FLVCR2: variants seen among roughly 807,000 people sequenced by gnomAD.
FLVCR2 encodes the protein FLVCR choline and putative heme transporter 2.
A neutral mutation model predicts 48.9 loss-of-function variants in FLVCR2; 38 were observed. The observed-to-expected ratio is 0.78, with a 90% CI of 0.60 to 1.02. The LOEUF (loss-of-function observed/expected upper bound fraction) is 1.02, where lower values mean the gene tolerates loss of function less well. Among genes scored for constraint, FLVCR2 ranks in the 50% least tolerant of loss-of-function variants. The pLI, the probability that FLVCR2 is intolerant of heterozygous loss-of-function variation, is 0.00. For synonymous variants in FLVCR2, 255 were observed against 257.0 expected, an observed-to-expected ratio of 0.99 and a Z score of 0.07; for missense variants, 664 against 663.3, an observed-to-expected ratio of 1.00 and a Z score of -0.01.
rs955552034 is a variant in FLVCR2, at chr14:75,646,556, G to A, written c.*84G>A. On this transcript the variant is annotated 3_prime_UTR_variant, in exon 10 of 10. Transcript: ENST00000238667. ...TCTCACCGCCAGCACAAAGGGCTTC[G>A]CTAGAGATGTTTTTGGAGGGAATCA... is the stretch of plus-strand genomic sequence containing the variant. 32 of 963,712 alleles carry A rather than the reference G, an allele frequency of 3.3e-5. No homozygotes were observed. Among genetic ancestry groups the A allele is most frequent in the African/African-American group, 1.4e-4 (9 of 62,174 alleles). The allele number at this position is 963,712 out of a possible 1,614,324, so 59.7% of individuals were successfully genotyped here.
Position 75,579,331 on chromosome 14 carries a change from C to G in FLVCR2, c.359C>G (p.Ala120Gly), listed in dbSNP as rs1212923964. The change falls in exon 1 of 10, where the codon GCC (alanine) becomes GGC (glycine). Residue 120 changes from alanine (A) to glycine (G), a missense_variant. Ala to Gly is a moderately conservative substitution (Grantham distance 60). Coordinates refer to ENST00000238667, the MANE Select transcript of FLVCR2 (RefSeq NM_017791.3). Reference protein sequence around the residue: ...NIFMHFYGVSAFAIDWLSMCY... With the variant: ...NIFMHFYGVSGFAIDWLSMCY... ...TTCATGCACTTCTACGGTGTCAGTG[C>G]CTTTGCCATTGACTGGCTGTCCATG... The G allele has an allele frequency of 1.7e-5, 27 of 1,614,218 alleles. No individual in the cohort carries two copies. Among genetic ancestry groups the G allele is most frequent in the Non-Finnish European group, 2.3e-5 (27 of 1,180,020 alleles).
At chr14:75,618,156 A>G (rs1023380889) in intron 1 of FLVCR2, among the ~76,000 whole-genome samples, 27 of 152,216 alleles carry the variant, frequency 1.8e-4, no homozygotes, top group African/African-American at 5.5e-4. Context: ...GACGTTTTCC[A>G]AAGATGGCTG....
intron 1 of FLVCR2, among the ~76,000 whole-genome samples, 198 bp downstream of exon 1, chr14:75,579,839 A>G (rs1888550878): frequency 6.6e-6 from 1 of 152,170 alleles, no homozygotes; most frequent in Non-Finnish European, 1.5e-5. Flanking sequence ...TCTTTCATCC[A>G]CAGTTGCTCT....
intron 1 of FLVCR2, among the ~76,000 whole-genome samples, chr14:75,600,537 C>T (rs997410010): frequency 6.6e-6 from 1 of 152,126 alleles, no homozygotes; most frequent in Non-Finnish European, 1.5e-5. Context: ...TATCAGAACC[C>T]CTTTCCAGTA....
chr14:75,601,553 A>G (rs1449027383), intron 1 of FLVCR2, among the ~76,000 whole-genome samples: 1 of 152,190 alleles, frequency 6.6e-6, no homozygotes, highest in Non-Finnish European at 1.5e-5. Flanking sequence ...TAAGGATGTG[A>G]AGACATTGGA....
chr14:75,600,887 AC>A (rs1395170562), intron 1 of FLVCR2, among the ~76,000 whole-genome samples: 13 of 151,290 alleles, frequency 8.6e-5, no homozygotes, highest in Non-Finnish European at 1.0e-4. Flanking sequence ...AAAAAAAAAA[AC>A]AAACAAACAA....
chr14:75,626,589 G>T (rs149524499), intron 3 of FLVCR2, among the ~76,000 whole-genome samples: 3 of 151,844 alleles, frequency 2.0e-5, no homozygotes, highest in Admixed American at 6.5e-5. Flanking sequence ...CCATTCATCC[G>T]CAAAATAAAG....
intron 1 of FLVCR2, among the ~76,000 whole-genome samples, chr14:75,619,610 GA>G (rs1889711037): frequency 6.6e-6 from 1 of 152,154 alleles, no homozygotes; most frequent in Admixed American, 6.5e-5. Context: ...AATATGTATT[GA>G]AAAAACAAAA....
chr14:75,593,448 C>T (rs1455939454), intron 1 of FLVCR2, among the ~76,000 whole-genome samples: 1 of 152,200 alleles, frequency 6.6e-6, no homozygotes, highest in Non-Finnish European at 1.5e-5. Context: ...GGCAAGTGGA[C>T]ACGTGCAAAG....
In FLVCR2 at chr14:75,579,575, C is replaced by G. The variant is rs1566779720; in HGVS notation, c.603C>G (p.Ile201Met). 1.9e-6 allele frequency: 3 copies of G among 1,614,084 alleles called. No homozygotes were observed. Among genetic ancestry groups the G allele is most frequent in the Non-Finnish European group, 8.5e-7 (1 of 1,180,042 alleles). ...QVFILGMPSRIASVWFGANEV... is the reference protein window; with the variant it reads ...QVFILGMPSRMASVWFGANEV... ...TCATCCTGGGCATGCCCTCCCGCAT[C>G]GCTTCCGTCTGGTTCGGGGCTAATG... The change falls in exon 1 of 10, where the codon ATC (isoleucine) becomes ATG (methionine). Residue 201 changes from isoleucine (I) to methionine (M), a missense_variant. Coordinates refer to ENST00000238667, the MANE Select transcript of FLVCR2 (RefSeq NM_017791.3).
intron 1 of FLVCR2, among the ~76,000 whole-genome samples, chr14:75,587,504 C>A (rs1888779770): frequency 1.3e-5 from 2 of 152,080 alleles, no homozygotes; most frequent in African/African-American, 4.8e-5. Flanking sequence ...ATTGTATTGT[C>A]AAGAAGGTGA....
chr14:75,613,472 C>G (rs76035178), intron 1 of FLVCR2, among the ~76,000 whole-genome samples: 1 of 152,048 alleles, frequency 6.6e-6, no homozygotes, highest in Non-Finnish European at 1.5e-5. Flanking sequence ...GAGAAATCTG[C>G]CCCCCTGACC....
intron 3 of FLVCR2, chr14:75,632,796 AC>A: frequency 1.4e-6 from 1 of 702,006 alleles, no homozygotes; most frequent in Admixed American, 2.0e-5. Context: ...TATTATTTTA[AC>A]TGTGTGTGCA....
At position 75,578,626 on chromosome 14, in the gene FLVCR2, CTCTGCGGG is replaced by C. The variant is rs1888510625; in HGVS notation, c.-346_-339del. The C allele has an allele frequency of 1.1e-5, 4 of 380,594 alleles. No homozygotes were observed. The highest frequency in any genetic ancestry group is 2.0e-5 in the Non-Finnish European group (4 of 201,700). The allele number at this position is 380,594 out of a possible 1,614,324, so 23.6% of individuals were successfully genotyped here. A position where few individuals can be genotyped will look rare whatever the true frequency, so the allele number is the denominator to read the frequency against. The stretch of plus-strand genomic sequence containing the variant: ...GGCCCCAAGCTGGCCCGGGAGAGGA[CTCTGCGGG>C]CGAAGTGGCTGCGCAAGGAGAGAAC... On this transcript the variant is annotated 5_prime_UTR_variant, in exon 1 of 10. Coordinates refer to ENST00000238667, the MANE Select transcript of FLVCR2 (RefSeq NM_017791.3).
chr14:75,635,555 C>A (rs1270155748), intron 5 of FLVCR2, among the ~76,000 whole-genome samples: 6 of 152,092 alleles, frequency 3.9e-5, no homozygotes, highest in African/African-American at 1.4e-4. Context: ...TTTCTAAGAG[C>A]CTGGAGCTAT....
intron 3 of FLVCR2, among the ~76,000 whole-genome samples, chr14:75,627,545 G>C (rs1340332082): frequency 2.6e-5 from 4 of 152,186 alleles, no homozygotes; most frequent in Non-Finnish European, 5.9e-5. Context: ...AAAACCAACT[G>C]TCTCATAGCC....
At position 75,641,000 on chromosome 14, in the gene FLVCR2, G is replaced by A. The variant is rs1294734046; in HGVS notation, c.1281G>A (p.Val427=). The A allele has an allele frequency of 1.9e-6, 3 of 1,614,048 alleles. No individual in the cohort carries two copies. The highest frequency in any genetic ancestry group is 2.5e-6 in the Non-Finnish European group (3 of 1,179,974). Residue 427 remains valine, a synonymous_variant, in exon 7 of 10, where the codon GTG becomes GTA. Transcript: ENST00000238667. ...TCCCACTGGGATTTGAGTTTGCTGT[G>A]GAGCTCACGTACCCAGAATCAGAAG... is the stretch of plus-strand genomic sequence containing the variant. ...GYLPLGFEFA[V]ELTYPESEGI... is the part of the protein sequence containing the mutation.
intron 1 of FLVCR2, among the ~76,000 whole-genome samples, chr14:75,587,084 T>A (rs1888770062): frequency 6.6e-6 from 1 of 152,196 alleles, no homozygotes; most frequent in Non-Finnish European, 1.5e-5. Context: ...ATCTATTAAA[T>A]ACCCACTATT....
chr14:75,618,000 G>T (rs1889658657), intron 1 of FLVCR2, among the ~76,000 whole-genome samples: 1 of 152,192 alleles, frequency 6.6e-6, no homozygotes, highest in Non-Finnish European at 1.5e-5. Flanking sequence ...ACAGAAAGGA[G>T]CTCAGTGTAG....
Sources: allele counts gnomAD v4.1 joint callset (sites outside exome capture counted in the v4.1 genomes callset), GRCh38; gene constraint gnomAD v4.1.1; transcripts MANE v1.5; gene names NCBI Gene and HGNC (gene_info 2026-07-23, HGNC 2026-07-21).